The following KIAA1549 variants were observed in gnomAD, a reference collection of about 807,000 sequenced individuals.
KIAA1549 encodes the protein KIAA1549, also known as UPF0606 protein KIAA1549.
Under a neutral mutation model 156.4 loss-of-function variants are expected in KIAA1549, and 70 were observed. The observed-to-expected ratio is 0.45, with a 90% CI of 0.37 to 0.55. The LOEUF (loss-of-function observed/expected upper bound fraction) is 0.55. KIAA1549 is among the 20% of genes least tolerant of loss of function. The pLI is 0.00. For synonymous variants in KIAA1549, 1,103 were observed against 1,066.4 expected (o/e 1.03, Z -0.67); for missense variants, 2,428 against 2,540.9 (o/e 0.96, Z 0.96).
chr7:138,890,041 A>G (rs1811504050), intron 10 of KIAA1549, among the ~76,000 whole-genome samples: 1 of 152,184 alleles, frequency 6.6e-6, no homozygotes, highest in African/African-American at 2.4e-5. Flanking sequence ...AGAGTGTTCA[A>G]TATTCATATT....
At chr7:138,890,514 G>A (rs1238145007) in intron 10 of KIAA1549, among the ~76,000 whole-genome samples, 1 of 152,226 alleles carries the variant, frequency 6.6e-6, no homozygotes, top group African/African-American at 2.4e-5. Flanking sequence ...CTTCAGTGCA[G>A]CCCCACACGG....
rs145382984 is a variant in KIAA1549, at chr7:138,886,774, G to C, written c.4033-5190C>G. Reference sequence around the variant, plus strand: ...AGGAGTACACCACTCCACCACTTCAGCAGTTCATGAGCATAACAGCCCCTC... The same window carrying C: ...AGGAGTACACCACTCCACCACTTCACCAGTTCATGAGCATAACAGCCCCTC... On this transcript the variant is annotated intron_variant, in intron 10 of 19. Coordinates refer to ENST00000422774, the MANE Select transcript of KIAA1549 (RefSeq NM_001164665.2). 9.0e-3 allele frequency among the ~76,000 whole-genome samples: 1,373 copies of C among 152,288 alleles called. 12 individuals carry two copies. The highest frequency in any genetic ancestry group is 0.014 in the Non-Finnish European group (962 of 68,018).
At chr7:138,878,670 G>A (rs1487748777) in intron 12 of KIAA1549, among the ~76,000 whole-genome samples, 1 of 152,004 alleles carries the variant, frequency 6.6e-6, no homozygotes, top group Non-Finnish European at 1.5e-5. Context: ...ACTGAGGTGG[G>A]AGGATCGCCT....
chr7:138,978,480 A>AT (rs72274968), intron 1 of KIAA1549, among the ~76,000 whole-genome samples: 7 of 151,532 alleles, frequency 4.6e-5, no homozygotes, highest in African/African-American at 7.3e-5. Context: ...AAACTTGTAA[A>AT]TTTTTTTTTT....
At chr7:138,911,089 T>TAAAA in intron 4 of KIAA1549, 57 bp downstream of exon 4, 1 of 1,066,186 alleles carries the variant, frequency 9.4e-7, no homozygotes, top group Non-Finnish European at 1.3e-6. Context: ...TTTAGAAAGA[T>TAAAA]AAAAAAAAAA....
chr7:138,956,547 G>A (rs531648531), intron 1 of KIAA1549, among the ~76,000 whole-genome samples: 9 of 152,174 alleles, frequency 5.9e-5, no homozygotes, highest in East Asian at 3.9e-4. Context: ...TAAGTCTCAC[G>A]AGATCTGATG....
chr7:138,927,406 C>A (rs1011678929), intron 1 of KIAA1549, among the ~76,000 whole-genome samples: 3 of 152,212 alleles, frequency 2.0e-5, no homozygotes, highest in Non-Finnish European at 4.4e-5. Context: ...TTTGGGAGGC[C>A]AGGTGGGCAG....
intron 6 of KIAA1549, 90 bp from the exon 7 acceptor site, chr7:138,905,171 A>G (rs1811972380): frequency 1.2e-6 from 1 of 862,198 alleles, no homozygotes; most frequent in Non-Finnish European, 1.9e-6. Flanking sequence ...CGTCTTTACT[A>G]TTTAGCTCTA....
chr7:138,926,111 C>G (rs1184855477), intron 1 of KIAA1549, among the ~76,000 whole-genome samples: 2 of 152,072 alleles, frequency 1.3e-5, no homozygotes, highest in Non-Finnish European at 2.9e-5. Context: ...TGCTTCTTTG[C>G]TAAATTGTGG....
At position 138,917,248 on chromosome 7, in the gene KIAA1549, A is replaced by G. The variant is rs760962028; in HGVS notation, c.2378T>C (p.Val793Ala). ...CTCAGTTAAAATGGGCGTTGTGTGG[A>G]CAGTGGTCAATGGTGATGTTGCTTG... ...GIQATSPLTTVHTTPILTESS... is the reference protein window; with the variant it reads ...GIQATSPLTTAHTTPILTESS... The change falls in exon 2 of 20, where the codon GTC becomes GCC. Residue 793 changes from valine (V) to alanine (A), a missense_variant. Physicochemically the swap from Val to Ala is moderately conservative, Grantham distance 64 (BLOSUM62 0). Transcript: ENST00000422774. 6.2e-7 allele frequency: 1 copy of G among 1,613,928 alleles called. No individual in the cohort carries two copies. Among genetic ancestry groups the G allele is most frequent in the Admixed American group, 1.7e-5 (1 of 60,016 alleles).
At chr7:138,932,605 T>C (rs1186216561) in intron 1 of KIAA1549, among the ~76,000 whole-genome samples, 1 of 152,184 alleles carries the variant, frequency 6.6e-6, no homozygotes, top group African/African-American at 2.4e-5. Context: ...AACAGGCTAA[T>C]GGGGGCAAGA....
intron 1 of KIAA1549, among the ~76,000 whole-genome samples, chr7:138,976,277 A>G (rs1814374906): frequency 6.6e-6 from 1 of 152,096 alleles, no homozygotes; most frequent in African/African-American, 2.4e-5. Context: ...GGGTTTCACC[A>G]TGTTGGCCAG....
chr7:138,965,821 C>A (rs1814006553), intron 1 of KIAA1549, among the ~76,000 whole-genome samples: 1 of 152,146 alleles, frequency 6.6e-6, no homozygotes, highest in Admixed American at 6.5e-5. Flanking sequence ...TTTGTACCAC[C>A]TGACTTTATT....
chr7:138,922,948 A>T, intron 1 of KIAA1549, among the ~76,000 whole-genome samples: 1 of 152,056 alleles, frequency 6.6e-6, no homozygotes, highest in East Asian at 1.9e-4. Flanking sequence ...AATCCCAAGG[A>T]GGGTGAATTA....
Position 138,977,092 on chromosome 7 carries a change from G to A in KIAA1549, c.187+3991C>T, listed in dbSNP as rs116724339. ...AATTTCACACACCATAAGCATAAAT[G>A]CAATAAAAAAATTATTAAAAGAACA... On this transcript the variant is annotated intron_variant, in intron 1 of 19. Transcript: ENST00000422774. 3.7e-3 allele frequency among the ~76,000 whole-genome samples: 563 copies of A among 152,026 alleles called. 3 individuals are homozygous for A. Among genetic ancestry groups the A allele is most frequent in the African/African-American group, 0.013 (544 of 41,496 alleles).
intron 11 of KIAA1549, 42 bp from the exon 12 acceptor site, chr7:138,879,695 G>C: frequency 7.9e-7 from 1 of 1,273,352 alleles, no homozygotes; most frequent in Non-Finnish European, 1.1e-6. Context: ...AAACAAGAAA[G>C]AATGAAAAGG....
At chr7:138,931,847 A>G (rs1812882481) in intron 1 of KIAA1549, among the ~76,000 whole-genome samples, 1 of 151,964 alleles carries the variant, frequency 6.6e-6, no homozygotes, top group South Asian at 2.1e-4. Context: ...TATATATTTT[A>G]AGATGGAAGA....
At chr7:138,919,538 A>G in intron 1 of KIAA1549, 100 bp from the exon 2 acceptor site, 1 of 1,514,362 alleles carries the variant, frequency 6.6e-7, no homozygotes, top group South Asian at 1.3e-5. Flanking sequence ...ACAAACATCC[A>G]TTCACCATAA....
At chr7:138,939,325 C>T (rs1434946456) in intron 1 of KIAA1549, among the ~76,000 whole-genome samples, 1 of 152,240 alleles carries the variant, frequency 6.6e-6, no homozygotes. Flanking sequence ...AGTACAGTTG[C>T]TTTTTTCACA....
Sources: allele counts gnomAD v4.1 joint callset (sites outside exome capture counted in the v4.1 genomes callset), GRCh38; gene constraint gnomAD v4.1.1; transcripts MANE v1.5; gene names NCBI Gene and HGNC (gene_info 2026-07-23, HGNC 2026-07-21).